CNBD1: variants seen among roughly 807,000 people sequenced by gnomAD.
The protein encoded by CNBD1 is cyclic nucleotide-binding domain-containing protein 1.
A neutral mutation model predicts 54.4 loss-of-function variants in CNBD1; 71 were observed. The observed-to-expected ratio is 1.30, with a 90% confidence interval of 1.08 to 1.59. The LOEUF is 1.59. CNBD1 is among the 40% of genes most tolerant of loss of function. The probability of loss-of-function intolerance (pLI) is 0.00; values close to 1 mark genes in which losing one functional copy is unlikely to be tolerated. For synonymous variants in CNBD1, 182 were observed against 170.7 expected (o/e 1.07, Z -0.51); for missense variants, 659 against 518.0 (o/e 1.27, Z -2.64).
intron 4 of CNBD1, among the ~76,000 whole-genome samples, chr8:87,197,480 A>G (rs533031185): frequency 6.6e-6 from 1 of 152,296 alleles, no homozygotes; most frequent in Admixed American, 6.5e-5. Context: ...GTAGCCTGGG[A>G]AAGCCTTAAG....
chr8:87,112,751 A>G (rs923946924), intron 4 of CNBD1, among the ~76,000 whole-genome samples: 4 of 93,154 alleles, frequency 4.3e-5, no homozygotes, highest in Non-Finnish European at 8.4e-5. Flanking sequence ...CTATCAGATG[A>G]CACTTTGTCC....
chr8:86,941,004 A>G (rs1222556180), intron 4 of CNBD1, among the ~76,000 whole-genome samples: 2 of 152,216 alleles, frequency 1.3e-5, no homozygotes, highest in Admixed American at 6.5e-5. Flanking sequence ...TATGATGTTT[A>G]CAGAATGACA....
At chr8:86,961,039 C>T (rs569836059) in intron 4 of CNBD1, among the ~76,000 whole-genome samples, 5 of 152,332 alleles carry the variant, frequency 3.3e-5, no homozygotes, top group Admixed American at 3.3e-4. Context: ...ACCATGTCTA[C>T]ATTTTGAAGA....
At chr8:87,336,568 G>T (rs1809948358) in intron 8 of CNBD1, among the ~76,000 whole-genome samples, 1 of 152,052 alleles carries the variant, frequency 6.6e-6, no homozygotes, top group Admixed American at 6.6e-5. Flanking sequence ...TTTCTCTCTA[G>T]ACTGGTAATT....
At chr8:87,179,771 G>T (rs934349492) in intron 4 of CNBD1, among the ~76,000 whole-genome samples, 2 of 152,286 alleles carry the variant, frequency 1.3e-5, no homozygotes, top group Admixed American at 6.5e-5. Context: ...AGGCTAAAAT[G>T]TCTACATACA....
At chr8:86,877,226 CT>C (rs1298310221) in intron 1 of CNBD1, among the ~76,000 whole-genome samples, 4 of 151,852 alleles carry the variant, frequency 2.6e-5, no homozygotes, top group African/African-American at 7.3e-5. Flanking sequence ...ACATTTTCTC[CT>C]CTGCTGAAAC....
chr8:87,052,010 G>A (rs906099978), intron 4 of CNBD1, among the ~76,000 whole-genome samples: 1 of 152,208 alleles, frequency 6.6e-6, no homozygotes, highest in African/African-American at 2.4e-5. Flanking sequence ...AAGCTAGATA[G>A]GGTCAAGGTG....
At chr8:87,040,522 A>G (rs1810045186) in intron 4 of CNBD1, among the ~76,000 whole-genome samples, 1 of 146,794 alleles carries the variant, frequency 6.8e-6, no homozygotes, top group South Asian at 2.1e-4. Flanking sequence ...CTTCCAGGTT[A>G]ATGCCATTCT....
intron 4 of CNBD1, among the ~76,000 whole-genome samples, chr8:87,018,871 G>C (rs758343792): frequency 2.0e-5 from 3 of 152,090 alleles, no homozygotes; most frequent in Non-Finnish European, 4.4e-5. Context: ...AAATCAAAAA[G>C]GGGGTACTAA....
At chr8:87,382,235 A>G (rs1811092330) in intron 10 of CNBD1, among the ~76,000 whole-genome samples, 1 of 151,972 alleles carries the variant, frequency 6.6e-6, no homozygotes, top group African/African-American at 2.4e-5. Flanking sequence ...CTAACTGGTT[A>G]GATACAAAAT....
chr8:86,958,650 C>A (rs1310274219), intron 4 of CNBD1, among the ~76,000 whole-genome samples: 2 of 152,080 alleles, frequency 1.3e-5, no homozygotes, highest in African/African-American at 4.8e-5. Context: ...AGGATTGCAA[C>A]CCCTGCTTTT....
chr8:87,265,049 G>C (rs1056176793), intron 6 of CNBD1, among the ~76,000 whole-genome samples: 2 of 151,992 alleles, frequency 1.3e-5, no homozygotes, highest in Non-Finnish European at 2.9e-5. Context: ...CATTGCTTTT[G>C]GTATCTTAGT....
chr8:86,892,697 AAT>A (rs1263861753), intron 2 of CNBD1, among the ~76,000 whole-genome samples: 3 of 152,098 alleles, frequency 2.0e-5, no homozygotes, highest in African/African-American at 7.2e-5. Context: ...CGATAGAGAC[AAT>A]TATGATGATT....
chr8:87,000,593 A>C lies in CNBD1; in HGVS notation c.431+60839A>C, dbSNP rs1808971112. 2.6e-5 allele frequency among the ~76,000 whole-genome samples: 4 copies of C among 152,206 alleles called. No individual in the cohort carries two copies. The South Asian group carries it at 8.3e-4, about 31-fold the overall frequency. Reference sequence around the variant, plus strand: ...TATTGTTGTGAAGATAACACTAAAAAAAGCACTTAGAACAGGTTTGGCCCA... The same window carrying C: ...TATTGTTGTGAAGATAACACTAAAACAAGCACTTAGAACAGGTTTGGCCCA... On this transcript the variant is annotated intron_variant, in intron 4 of 10. Transcript: ENST00000518476.
chr8:86,970,054 T>A (rs1808186079), intron 4 of CNBD1, among the ~76,000 whole-genome samples: 1 of 152,086 alleles, frequency 6.6e-6, no homozygotes, highest in Non-Finnish European at 1.5e-5. Flanking sequence ...TTCTTGAATG[T>A]TTTTGCTGAA....
chr8:87,266,341 C>T (rs1261586348), intron 6 of CNBD1, among the ~76,000 whole-genome samples: 1 of 142,114 alleles, frequency 7.0e-6, no homozygotes, highest in Non-Finnish European at 1.5e-5. Flanking sequence ...CAAAATAAAG[C>T]TATAATAATT....
chr8:86,937,833 C>T (rs990321119), intron 3 of CNBD1, among the ~76,000 whole-genome samples: 22 of 152,304 alleles, frequency 1.4e-4, no homozygotes, highest in South Asian at 6.2e-4. Flanking sequence ...TGGAGAGTAA[C>T]ATTTGGCACC....
chr8:87,277,892 GAAAC>G (rs747854205), intron 6 of CNBD1, among the ~76,000 whole-genome samples: 5 of 151,430 alleles, frequency 3.3e-5, no homozygotes, highest in Admixed American at 1.3e-4. Flanking sequence ...AAAATCAGTA[GAAAC>G]AAACACACAG....
intron 6 of CNBD1, among the ~76,000 whole-genome samples, chr8:87,268,461 T>C (rs968774682): frequency 6.6e-6 from 1 of 152,120 alleles, no homozygotes; most frequent in Non-Finnish European, 1.5e-5. Context: ...CCTTTGGGTA[T>C]ATACCCAGTA....
Sources: allele counts gnomAD v4.1 joint callset (sites outside exome capture counted in the v4.1 genomes callset), GRCh38; gene constraint gnomAD v4.1.1; transcripts MANE v1.5; gene names NCBI Gene and HGNC (gene_info 2026-07-23, HGNC 2026-07-21).